The following NCOR1 variants were observed in gnomAD, a reference collection of about 807,000 sequenced individuals.
NCOR1 encodes protein phosphatase 1, regulatory subunit 109.
A neutral mutation model predicts 288.1 loss-of-function variants in NCOR1; 63 were observed. The observed-to-expected ratio is 0.22, with a 90% CI of 0.18 to 0.27. The LOEUF (loss-of-function observed/expected upper bound fraction) is 0.27, where lower values mean the gene tolerates loss of function less well. NCOR1 is among the 10% of genes least tolerant of loss of function. The pLI, the probability that NCOR1 is intolerant of heterozygous loss-of-function variation, is 1.00. For synonymous variants in NCOR1, 1,007 were observed against 1,065.9 expected (o/e 0.94, Z 1.08); for missense variants, 2,397 against 3,019.2 (o/e 0.79, Z 4.83).
At chr17:16,054,943 A>C (rs989202027) in intron 40 of NCOR1, among the ~76,000 whole-genome samples, 1 of 152,148 alleles carries the variant, frequency 6.6e-6, no homozygotes, top group African/African-American at 2.4e-5. Flanking sequence ...ACAACAACAA[A>C]AAAAGAGTAA....
chr17:16,101,243 G>C lies in NCOR1; in HGVS notation c.2690+7C>G, dbSNP rs1440524119. 2.5e-6 allele frequency: 4 copies of C among 1,575,462 alleles called. No individual in the cohort carries two copies. In the African/African-American group the frequency reaches 4.1e-5, roughly 16 times the overall value. Reference sequence around the variant, plus strand: ...AGCACGGGGAGGACTTATGGAACGAGCCTCACCTCTGCCTCTCTGGCTCTC... The same window carrying C: ...AGCACGGGGAGGACTTATGGAACGACCCTCACCTCTGCCTCTCTGGCTCTC... On this transcript the variant is annotated splice_region_variant and intron_variant, in intron 20 of 45. Transcript: ENST00000268712.
chr17:16,040,228 C>T, intron 43 of NCOR1: 1 of 659,748 alleles, frequency 1.5e-6, no homozygotes, highest in South Asian at 1.5e-5. Flanking sequence ...TAGTTTCATT[C>T]TTTTTGTTCA....
chr17:16,101,297 G>A lies in NCOR1; in HGVS notation c.2643C>T (p.Ala881=), dbSNP rs549743825. The A allele has an allele frequency of 1.2e-4, 193 of 1,613,078 alleles. 5 individuals are homozygous for A. The South Asian group carries it at 2.1e-3, about 17-fold the overall frequency. The change falls in exon 20 of 46, where the codon GCC becomes GCT. Residue 881 remains alanine, a synonymous_variant. Transcript: ENST00000268712. ...PEPQSDNDSS[A]TCSADEDVDG... is the part of the protein sequence containing the mutation. ...CCACATCCTCATCAGCGCTGCACGT[G>A]GCACTGGAATCATTGTCTGACTGGG...
chr17:16,126,967 G>A (rs1214377127), intron 14 of NCOR1, among the ~76,000 whole-genome samples: 3 of 152,120 alleles, frequency 2.0e-5, no homozygotes, highest in South Asian at 2.1e-4. Flanking sequence ...GTGTAGTAGC[G>A]TACAGTATGA....
chr17:16,080,866 T>A (rs1390906647), intron 23 of NCOR1, 139 bp from the exon 24 acceptor site: 4 of 855,298 alleles, frequency 4.7e-6, no homozygotes, highest in Non-Finnish European at 6.8e-6. Context: ...CCAAGAATAG[T>A]TTTTGTAAAG....
At chr17:16,184,830 A>T (rs547770091) in intron 3 of NCOR1, among the ~76,000 whole-genome samples, 3 of 152,094 alleles carry the variant, frequency 2.0e-5, no homozygotes, top group Non-Finnish European at 4.4e-5. Context: ...TTTGTCAATG[A>T]ATGAATCATA....
At chr17:16,075,308 A>G (rs2062301478) in intron 27 of NCOR1, among the ~76,000 whole-genome samples, 1 of 152,184 alleles carries the variant, frequency 6.6e-6, no homozygotes, top group South Asian at 2.1e-4. Flanking sequence ...GCTACCACCT[A>G]TGGGACATTT....
chr17:16,134,227 T>C (rs1339522173), intron 14 of NCOR1, among the ~76,000 whole-genome samples: 1 of 152,158 alleles, frequency 6.6e-6, no homozygotes, highest in African/African-American at 2.4e-5. Context: ...GGAATAAGTA[T>C]ACAAACAATT....
At chr17:16,183,748 T>G (rs2086028419) in intron 3 of NCOR1, among the ~76,000 whole-genome samples, 1 of 151,878 alleles carries the variant, frequency 6.6e-6, no homozygotes, top group Non-Finnish European at 1.5e-5. Context: ...ACCCTAAAAT[T>G]CACATGGAAG....
At chr17:16,106,328 CTT>C (rs2068617317) in intron 19 of NCOR1, among the ~76,000 whole-genome samples, 1 of 152,008 alleles carries the variant, frequency 6.6e-6, no homozygotes, top group Admixed American at 6.6e-5. Flanking sequence ...GACATAAGCA[CTT>C]TTCCAATTTT....
At chr17:16,158,915 C>A in intron 5 of NCOR1, 42 bp from the exon 6 acceptor site, 1 of 1,387,554 alleles carries the variant, frequency 7.2e-7, no homozygotes, top group Non-Finnish European at 1.0e-6. Flanking sequence ...GTGCTGCACA[C>A]CACACCCAGC....
At chr17:16,140,706 C>T (rs888655152) in intron 11 of NCOR1, among the ~76,000 whole-genome samples, 5 of 152,056 alleles carry the variant, frequency 3.3e-5, no homozygotes, top group Non-Finnish European at 7.4e-5. Flanking sequence ...CCCTGCTACT[C>T]GGGAGGCTGA....
intron 3 of NCOR1, 124 bp from the exon 4 acceptor site, chr17:16,172,119 C>T (rs2083243193): frequency 7.0e-6 from 5 of 719,072 alleles, no homozygotes; most frequent in East Asian, 5.9e-5. Context: ...AAAGTGAATC[C>T]GTACCCCTTC....
chr17:16,073,433 T>G lies in NCOR1; in HGVS notation c.3807A>C (p.Leu1269Phe). Residue 1269 changes from leucine (L) to phenylalanine (F), a missense_variant, in exon 28 of 46, where the codon TTA becomes TTC. Leu to Phe is a conservative substitution (Grantham distance 22). This residue lies in a region of NCOR1 where 1,872 missense variants were observed against 2,187.8 expected (regional missense o/e 0.86). Coordinates refer to ENST00000268712, the MANE Select transcript of NCOR1 (RefSeq NM_006311.4). ...SMRESPVSAP[L>F]EGLICRALPR... ...ATTCTGAAAACAATGCTTTACCCTC[T>G]AACGGTGCTGATACAGGAGACTCCC... is the stretch of plus-strand genomic sequence containing the variant. The G allele has an allele frequency of 6.3e-7, 1 of 1,599,694 alleles. No homozygotes were observed. The highest frequency in any genetic ancestry group is 8.5e-7 in the Non-Finnish European group (1 of 1,174,062).
chr17:16,202,242 A>G, intron 1 of NCOR1, among the ~76,000 whole-genome samples: 1 of 148,598 alleles, frequency 6.7e-6, no homozygotes, highest in African/African-American at 2.5e-5. Context: ...AAAAAAAAAA[A>G]TACAAAAAAT....
chr17:16,073,800 A>C (rs2062043650), intron 27 of NCOR1, among the ~76,000 whole-genome samples: 1 of 152,252 alleles, frequency 6.6e-6, no homozygotes, highest in Admixed American at 6.5e-5. Context: ...AGATTAACAA[A>C]TTAAGTCCCT....
Position 16,151,987 on chromosome 17 carries a change from G to T in NCOR1, c.801C>A (p.Asn267Lys). 6.3e-7 allele frequency: 1 copy of T among 1,593,102 alleles called. No homozygotes were observed. Among genetic ancestry groups the T allele is most frequent in the Non-Finnish European group, 8.5e-7 (1 of 1,169,850 alleles). The change falls in exon 8 of 46, where the codon AAC becomes AAA. Residue 267 changes from asparagine to lysine, a missense_variant. Asn to Lys is a moderately conservative substitution (Grantham distance 94, BLOSUM62 0). Coordinates refer to ENST00000268712, the MANE Select transcript of NCOR1 (RefSeq NM_006311.4). Reference sequence around the variant, plus strand: ...GGTACACCTTGGTATCTGATGGCTGGTTATACAGTGGCTATAAAAGAAATC... The same window carrying T: ...GGTACACCTTGGTATCTGATGGCTGTTTATACAGTGGCTATAAAAGAAATC... ...LGPKVELPLY[N>K]QPSDTKVYHE... is the part of the protein sequence containing the mutation.
intron 4 of NCOR1, among the ~76,000 whole-genome samples, chr17:16,170,107 C>CTGTGTGTGTGTGTGTGTGTG (rs61345864): frequency 1.7e-3 from 246 of 147,680 alleles, no homozygotes; most frequent in East Asian, 4.4e-3. Context: ...TATTTGCTTT[C>CTGTGTGTGTGTGTGTGTGTG]TGTGTGTGTG....
chr17:16,066,613 A>C (rs2061153782), intron 32 of NCOR1, among the ~76,000 whole-genome samples: 1 of 152,216 alleles, frequency 6.6e-6, no homozygotes, highest in Non-Finnish European at 1.5e-5. Flanking sequence ...AAAAACAAGT[A>C]ACATGTTTTC....
Sources: gnomAD v4.1 joint callset for allele counts (sites outside exome capture counted in the v4.1 genomes callset) on GRCh38, gnomAD v4.1.1 for gene constraint, gnomAD v4.1.1 regional missense constraint, MANE v1.5 for transcripts, NCBI Gene and HGNC (gene_info 2026-07-23, HGNC 2026-07-21) for gene names.